Variants in KLHL32 observed in about 807,000 individuals in gnomAD.
KLHL32 encodes the protein kelch like family member 32.
Under a neutral mutation model 64.8 loss-of-function variants are expected in KLHL32, and 35 were observed. That is an observed-to-expected ratio of 0.54 (90% CI 0.41 to 0.72). The LOEUF (loss-of-function observed/expected upper bound fraction) is 0.72, where lower values mean the gene tolerates loss of function less well. Among genes scored for constraint, KLHL32 ranks in the 30% least tolerant of loss-of-function variants. The pLI is 0.00. For synonymous variants in KLHL32, 259 were observed against 281.0 expected, an observed-to-expected ratio of 0.92 and a Z score of 0.78; for missense variants, 589 against 768.5, an observed-to-expected ratio of 0.77 and a Z score of 2.76.
At chr6:96,917,558 C>A in the KLHL32 span, among the ~76,000 whole-genome samples, 2 of 152,132 alleles carry the variant, frequency 1.3e-5, no homozygotes, top group East Asian at 3.8e-4. Flanking sequence ...TGTTCAATAC[C>A]TCAAATGATC....
At chr6:96,918,044 C>T in the KLHL32 span, among the ~76,000 whole-genome samples, 1 of 152,196 alleles carries the variant, frequency 6.6e-6, no homozygotes, top group Admixed American at 6.5e-5. Context: ...TGACTTCAGA[C>T]ATTATGTCCC....
chr6:96,942,697 G>A (rs574438692), intron 1 of KLHL32, among the ~76,000 whole-genome samples: 11 of 143,348 alleles, frequency 7.7e-5, no homozygotes, highest in African/African-American at 2.8e-4. Context: ...GTGTGATTCA[G>A]AATATCCCTT....
intron 3 of KLHL32, among the ~76,000 whole-genome samples, chr6:97,031,232 T>A (rs1783489317): frequency 1.3e-5 from 2 of 152,226 alleles, no homozygotes; most frequent in Admixed American, 6.5e-5. Context: ...AATTGAGATA[T>A]CTTTTAAATG....
At position 97,099,473 on chromosome 6, in the gene KLHL32, TG is replaced by T. The variant is rs77787846; in HGVS notation, c.627+14134del. Among the ~76,000 whole-genome samples, 1,756 of 152,378 alleles carry T rather than the reference TG, an allele frequency of 0.012. 88 individuals are homozygous for T. The East Asian group carries it at 0.16, about 14-fold the overall frequency. On this transcript the variant is annotated intron_variant, in intron 6 of 10. Transcript: ENST00000369261. Reference sequence around the variant, plus strand: ...CCTGTGTTCTTTCATTCGACATTGATGGTTCTCAGTGAGGCTGCAATACAGT... The same window carrying T: ...CCTGTGTTCTTTCATTCGACATTGATGTTCTCAGTGAGGCTGCAATACAGT...
At chr6:96,959,490 G>A (rs1029258137) in intron 1 of KLHL32, among the ~76,000 whole-genome samples, 1 of 152,204 alleles carries the variant, frequency 6.6e-6, no homozygotes, top group Non-Finnish European at 1.5e-5. Context: ...CCTTCTCCCT[G>A]TGTCCTCACG....
chr6:97,013,350 T>C (rs1020988129), intron 3 of KLHL32, among the ~76,000 whole-genome samples: 3 of 152,206 alleles, frequency 2.0e-5, no homozygotes, highest in Admixed American at 1.3e-4. Context: ...CTCACTTCAG[T>C]TTTTGTGCCT....
intron 3 of KLHL32, among the ~76,000 whole-genome samples, chr6:97,018,951 C>T (rs372070204): frequency 1.1e-4 from 16 of 151,892 alleles, no homozygotes; most frequent in Non-Finnish European, 1.8e-4. Flanking sequence ...TAAATGTAGA[C>T]GGAAGATATG....
intron 1 of KLHL32, among the ~76,000 whole-genome samples, chr6:96,932,082 T>TA (rs1031310603): frequency 5.3e-5 from 8 of 151,800 alleles, no homozygotes; most frequent in Admixed American, 2.0e-4. Context: ...GACTTTCTCT[T>TA]AAAAAAAATA....
intron 3 of KLHL32, chr6:96,999,475 C>G: frequency 1.3e-6 from 1 of 785,448 alleles, no homozygotes; most frequent in East Asian, 1.3e-4. Context: ...TAATTTATTT[C>G]CAGATTGTAC....
At chr6:96,977,141 C>T (rs942844416) in intron 3 of KLHL32, among the ~76,000 whole-genome samples, 4 of 152,198 alleles carry the variant, frequency 2.6e-5, no homozygotes, top group East Asian at 3.8e-4. Flanking sequence ...TCTTGTGATT[C>T]ACATGGTGAG....
intron 6 of KLHL32, 24 bp downstream of exon 6, chr6:97,085,365 T>C (rs1793250968): frequency 6.3e-7 from 1 of 1,596,950 alleles, no homozygotes; most frequent in Admixed American, 1.7e-5. Flanking sequence ...GCACGGTCGC[T>C]TTTGGCACTG....
rs1332938009 is a variant in KLHL32, at chr6:97,039,869, G to A, written c.205-1623G>A. Among the ~76,000 whole-genome samples, 6 of 151,744 alleles carry A rather than the reference G, an allele frequency of 4.0e-5. No homozygotes were observed. In the East Asian group the frequency reaches 5.8e-4, roughly 15 times the overall value. The stretch of plus-strand genomic sequence containing the variant: ...AAAAACAAAGAAAGAAAAGAAAATC[G>A]CTCGAAGAGAATAATTTGAATGTTT... On this transcript the variant is annotated intron_variant, in intron 3 of 10. Coordinates refer to ENST00000369261, the MANE Select transcript of KLHL32 (RefSeq NM_052904.4).
intron 4 of KLHL32, among the ~76,000 whole-genome samples, chr6:97,058,703 G>C (rs997738872): frequency 1.3e-5 from 2 of 152,084 alleles, no homozygotes; most frequent in Non-Finnish European, 2.9e-5. Flanking sequence ...AATGTTTTTT[G>C]TTCTTTGACC....
rs568956385 is a variant in KLHL32, at chr6:97,056,252, C to T, written c.313-8376C>T. Among the ~76,000 whole-genome samples, 3 of 151,882 alleles carry T rather than the reference C, an allele frequency of 2.0e-5. No homozygotes were observed. In the East Asian group the frequency reaches 5.8e-4, roughly 30 times the overall value. ...TCCCTAGTAGCTGGGACTACAGGCG[C>T]CCGCCACCACGCCCGGCTAATTTTT... is the stretch of plus-strand genomic sequence containing the variant. On this transcript the variant is annotated intron_variant, in intron 4 of 10. Coordinates refer to ENST00000369261, the MANE Select transcript of KLHL32 (RefSeq NM_052904.4).
chr6:97,105,898 A>G (rs1796349032), intron 6 of KLHL32, among the ~76,000 whole-genome samples: 2 of 152,254 alleles, frequency 1.3e-5, no homozygotes, highest in African/African-American at 4.8e-5. Flanking sequence ...ATATATTTGC[A>G]AGATATAAAG....
chr6:97,122,770 C>T (rs2128217498), intron 7 of KLHL32, among the ~76,000 whole-genome samples: 1 of 152,318 alleles, frequency 6.6e-6, no homozygotes, highest in East Asian at 1.9e-4. Context: ...ATCATCATCA[C>T]TGTTTTGCAT....
At position 97,103,213 on chromosome 6, in the gene KLHL32, CTT is replaced by C. The variant is rs5878463; in HGVS notation, c.628-10553_628-10552del. On this transcript the variant is annotated intron_variant, in intron 6 of 10. Transcript: ENST00000369261. ...ACAATTTACTAAAACTTGAATTTATCTTTTTTTTTTTTTTTTTTGAGACGGCG... is the reference window on the plus strand; with the variant it reads ...ACAATTTACTAAAACTTGAATTTATCTTTTTTTTTTTTTTTTGAGACGGCG... Among the ~76,000 whole-genome samples, 468 of 121,362 alleles carry C rather than the reference CTT, an allele frequency of 3.9e-3. 4 individuals are homozygous for C. Among genetic ancestry groups the C allele is most frequent in the African/African-American group, 0.011 (346 of 30,796 alleles). The allele number at this position is 121,362 out of a possible 152,430, so 79.6% of individuals were successfully genotyped here.
At chr6:97,124,535 T>C (rs1393099369) in intron 7 of KLHL32, among the ~76,000 whole-genome samples, 2 of 152,196 alleles carry the variant, frequency 1.3e-5, no homozygotes, top group African/African-American at 4.8e-5. Flanking sequence ...ATTGGTTGTA[T>C]GTTTAATCTA....
intron 3 of KLHL32, among the ~76,000 whole-genome samples, chr6:97,036,799 C>T (rs1459520307): frequency 1.3e-5 from 2 of 152,182 alleles, no homozygotes; most frequent in East Asian, 1.9e-4. Flanking sequence ...AGAGTGGCCC[C>T]CTCCAGCTCC....
Sources: gnomAD v4.1 joint callset for allele counts (sites outside exome capture counted in the v4.1 genomes callset) on GRCh38, gnomAD v4.1.1 for gene constraint, MANE v1.5 for transcripts, NCBI Gene and HGNC (gene_info 2026-07-23, HGNC 2026-07-21) for gene names.